Variants in NFIB observed in about 807,000 individuals in gnomAD.
NFIB encodes nuclear factor I B, also known as nuclear factor 1 B-type.
NFIB carries 11 observed loss-of-function variants against 61.5 expected under a neutral mutation model. The observed-to-expected ratio is 0.18, with a 90% CI of 0.11 to 0.30. The LOEUF is 0.30. Among genes scored for constraint, NFIB ranks in the 10% least tolerant of loss-of-function variants. The pLI is 1.00. For missense variants in NFIB, 471 were observed against 608.9 expected, an observed-to-expected ratio of 0.77 and a Z score of 2.38; for synonymous variants, 260 against 216.5, an observed-to-expected ratio of 1.20 and a Z score of -1.76.
intron 1 of NFIB, among the ~76,000 whole-genome samples, chr9:14,367,880 G>C (rs2061319053): frequency 6.6e-6 from 1 of 152,122 alleles, no homozygotes; most frequent in Admixed American, 6.5e-5. Context: ...GGCCTGTCAG[G>C]GGGTGAGGGG....
intron 1 of NFIB, among the ~76,000 whole-genome samples, chr9:14,389,439 A>G (rs2061593713): frequency 6.6e-6 from 1 of 152,178 alleles, no homozygotes; most frequent in South Asian, 2.1e-4. Flanking sequence ...ATGCTTATCT[A>G]TACTAAGATA....
chr9:14,174,771 A>G (rs2131388201), intron 3 of NFIB, among the ~76,000 whole-genome samples: 1 of 151,754 alleles, frequency 6.6e-6, no homozygotes, highest in African/African-American at 2.4e-5. Flanking sequence ...CATCTCAAAA[A>G]AAAAAAAAAA....
intron 2 of NFIB, among the ~76,000 whole-genome samples, chr9:14,220,197 G>C (rs1302655775): frequency 6.6e-6 from 1 of 152,144 alleles, no homozygotes; most frequent in Admixed American, 6.5e-5. Context: ...AGGATTATCA[G>C]ACACCTGTTT....
chr9:14,217,891 T>G (rs1480410468), intron 2 of NFIB, among the ~76,000 whole-genome samples: 1 of 151,682 alleles, frequency 6.6e-6, no homozygotes, highest in East Asian at 1.9e-4. Context: ...AATAGATAGG[T>G]AAGTAAATCT....
chr9:14,299,215 T>G (rs2132631034), intron 2 of NFIB, among the ~76,000 whole-genome samples: 1 of 152,314 alleles, frequency 6.6e-6, no homozygotes, highest in South Asian at 2.1e-4. Context: ...TGTCCCAAGC[T>G]CTACCATTCC....
At chr9:14,439,519 G>C in the NFIB span, among the ~76,000 whole-genome samples, 1 of 152,220 alleles carries the variant, frequency 6.6e-6, no homozygotes. Context: ...AAGAGTGTCT[G>C]GTACTTAGTA....
the NFIB span, among the ~76,000 whole-genome samples, chr9:14,469,893 G>C: frequency 1.3e-5 from 2 of 152,208 alleles, no homozygotes; most frequent in East Asian, 3.9e-4. Context: ...TTTTAATCAA[G>C]GCTTGAAAAT....
intron 9 of NFIB, among the ~76,000 whole-genome samples, chr9:14,114,261 AT>A (rs767325851): frequency 8.5e-5 from 13 of 152,222 alleles, no homozygotes; most frequent in Non-Finnish European, 1.8e-4. Context: ...CAAGGCAGCC[AT>A]CAGCAACCAG....
At chr9:14,343,333 A>T (rs1293370669) in intron 1 of NFIB, among the ~76,000 whole-genome samples, 1 of 152,098 alleles carries the variant, frequency 6.6e-6, no homozygotes, top group African/African-American at 2.4e-5. Flanking sequence ...GGAGGTGGAA[A>T]TGGGCTGGGG....
chr9:14,249,296 T>C (rs1167830668), intron 2 of NFIB, among the ~76,000 whole-genome samples: 1 of 152,214 alleles, frequency 6.6e-6, no homozygotes, highest in African/African-American at 2.4e-5. Context: ...TTGCCCAAGT[T>C]TAAATAGTAA....
the NFIB span, among the ~76,000 whole-genome samples, chr9:14,500,967 G>T: frequency 6.6e-6 from 1 of 152,202 alleles, no homozygotes; most frequent in South Asian, 2.1e-4. Flanking sequence ...AAAGTTTTCA[G>T]TTCCTCTCCT....
Position 14,313,531 on chromosome 9 carries a change from C to A in NFIB, c.-20G>T, listed in dbSNP as rs1288140617. ...CATCATGACTTCGCCTTAAAACGCA[C>A]TTTCCGGGAGATGCCCAAGAAAATC... On this transcript the variant is annotated 5_prime_UTR_variant, in exon 1 of 11. Coordinates refer to ENST00000380953, the MANE Select transcript of NFIB (RefSeq NM_001190737.2). The surrounding 1 kb of genome is among the most constrained non-coding windows in gnomAD (Gnocchi z 4.5). 6.2e-7 allele frequency: 1 copy of A among 1,613,662 alleles called. No homozygotes were observed. The highest frequency in any genetic ancestry group is 2.2e-5 in the East Asian group (1 of 44,806).
intron 6 of NFIB, among the ~76,000 whole-genome samples, chr9:14,133,300 ACT>A (rs1408023282): frequency 1.3e-5 from 2 of 152,098 alleles, no homozygotes; most frequent in African/African-American, 4.8e-5. Context: ...CTCCATTGAA[ACT>A]CTGTCAAGCA....
the NFIB span, among the ~76,000 whole-genome samples, chr9:14,412,208 T>C: frequency 3.9e-5 from 6 of 152,214 alleles, no homozygotes; most frequent in African/African-American, 1.2e-4. Flanking sequence ...TACTTACATA[T>C]GGTCTTAGAT....
At chr9:14,128,656 T>G (rs1238709264) in intron 6 of NFIB, among the ~76,000 whole-genome samples, 4 of 145,532 alleles carry the variant, frequency 2.7e-5, no homozygotes, top group Non-Finnish European at 5.9e-5. Context: ...CAAGATAGTG[T>G]CATTGCACTC....
the NFIB span, among the ~76,000 whole-genome samples, chr9:14,413,498 G>T: frequency 6.6e-6 from 1 of 152,106 alleles, no homozygotes; most frequent in African/African-American, 2.4e-5. Context: ...TAACCACAGA[G>T]AGTTTTGCTT....
chr9:14,353,989 A>G (rs1013852478), intron 1 of NFIB, among the ~76,000 whole-genome samples: 16 of 151,912 alleles, frequency 1.1e-4, no homozygotes, highest in African/African-American at 3.9e-4. Context: ...TCTGGGGCAA[A>G]TCACTTAAAA....
intron 2 of NFIB, among the ~76,000 whole-genome samples, chr9:14,221,400 G>A (rs548347245): frequency 1.1e-4 from 17 of 152,064 alleles, no homozygotes; most frequent in South Asian, 4.2e-4. Context: ...TTTGTAATAC[G>A]CAGCTAGATT....
In NFIB at chr9:14,304,522, G is replaced by A. The variant is rs538756532; in HGVS notation, c.562+2467C>T. Among the ~76,000 whole-genome samples, 6 of 152,354 alleles carry A rather than the reference G, an allele frequency of 3.9e-5. No homozygotes were observed. In the South Asian group the frequency reaches 6.2e-4, roughly 16 times the overall value. On this transcript the variant is annotated intron_variant, in intron 2 of 10. Coordinates refer to ENST00000380953, the MANE Select transcript of NFIB (RefSeq NM_001190737.2). ...TCTGATGCCAATCCTGGTGCCAGTG[G>A]CAACCATCTTTGGCATTCTCTCTGT...
Sources: allele counts gnomAD v4.1 joint callset (sites outside exome capture counted in the v4.1 genomes callset), GRCh38; gene constraint gnomAD v4.1.1; non-coding constraint Gnocchi (gnomAD v3.1); transcripts MANE v1.5; gene names NCBI Gene and HGNC (gene_info 2026-07-23, HGNC 2026-07-21).